XRRA1: variants seen among roughly 807,000 people sequenced by gnomAD.
XRRA1 encodes the protein X-ray radiation resistance-associated protein 1.
Under a neutral mutation model 80.2 loss-of-function variants are expected in XRRA1, and 69 were observed. The observed-to-expected ratio is 0.86, with a 90% CI of 0.71 to 1.05. The LOEUF (loss-of-function observed/expected upper bound fraction) is 1.05. XRRA1 is among the 50% of genes least tolerant of loss of function. The pLI is 0.00. For synonymous variants in XRRA1, 348 were observed against 389.9 expected, an observed-to-expected ratio of 0.89 and a Z score of 1.27; for missense variants, 967 against 976.4, an observed-to-expected ratio of 0.99 and a Z score of 0.13.
At chr11:74,872,568 C>A (rs1007246576) in intron 10 of XRRA1, among the ~76,000 whole-genome samples, 18 of 152,080 alleles carry the variant, frequency 1.2e-4, no homozygotes, top group Admixed American at 1.2e-3. Flanking sequence ...AGTCAGGGCA[C>A]TTTAAGAAGG....
chr11:74,852,265 C>T (rs1268558640), intron 12 of XRRA1, among the ~76,000 whole-genome samples, 183 bp from the exon 13 acceptor site: 1 of 152,168 alleles, frequency 6.6e-6, no homozygotes, highest in African/African-American at 2.4e-5. Flanking sequence ...AATACCTACT[C>T]ATGCACAGAG....
intron 10 of XRRA1, among the ~76,000 whole-genome samples, chr11:74,890,492 C>A (rs1481228582): frequency 1.3e-5 from 2 of 152,100 alleles, no homozygotes; most frequent in Non-Finnish European, 2.9e-5. Flanking sequence ...ATTAAAAGAA[C>A]TAGAGAAGCA....
At chr11:74,878,066 T>C (rs1204302758) in intron 10 of XRRA1, among the ~76,000 whole-genome samples, 1 of 151,094 alleles carries the variant, frequency 6.6e-6, no homozygotes, top group Admixed American at 6.6e-5. Flanking sequence ...TGAACTAGTT[T>C]ACAGTCCCAC....
At chr11:74,878,020 T>A (rs1317249286) in intron 10 of XRRA1, among the ~76,000 whole-genome samples, 1 of 144,568 alleles carries the variant, frequency 6.9e-6, no homozygotes, top group Non-Finnish European at 1.5e-5. Context: ...CAGTTCTAGA[T>A]CCCTGAGGAA....
At chr11:74,928,672 A>G (rs535863998) in intron 6 of XRRA1, among the ~76,000 whole-genome samples, 58 of 152,328 alleles carry the variant, frequency 3.8e-4, no homozygotes, top group African/African-American at 1.4e-3. Context: ...GATGTTAAAT[A>G]TGGTAGTCTT....
intron 10 of XRRA1, among the ~76,000 whole-genome samples, chr11:74,866,204 A>G (rs1027910445): frequency 7.9e-5 from 12 of 152,200 alleles, no homozygotes; most frequent in Non-Finnish European, 1.5e-4. Flanking sequence ...GATCTCTCAG[A>G]CAAAGAATTC....
intron 14 of XRRA1, among the ~76,000 whole-genome samples, chr11:74,850,663 C>G (rs1474793901): frequency 6.6e-6 from 1 of 152,198 alleles, no homozygotes; most frequent in Admixed American, 6.5e-5. Flanking sequence ...CCTTAAGATT[C>G]AGGCAGGAGA....
At chr11:74,924,176 A>T (rs1941628463) in intron 7 of XRRA1, among the ~76,000 whole-genome samples, 1 of 151,664 alleles carries the variant, frequency 6.6e-6, no homozygotes, top group South Asian at 2.1e-4. Context: ...AAAAAAATAA[A>T]AAAAAAGAGT....
intron 16 of XRRA1, among the ~76,000 whole-genome samples, chr11:74,844,694 C>T (rs770071767): frequency 2.0e-4 from 30 of 152,170 alleles, no homozygotes; most frequent in African/African-American, 7.0e-4. Flanking sequence ...CAGATAGGAA[C>T]GATTTTGGAC....
chr11:74,927,771 C>T (rs1942623135), intron 6 of XRRA1, among the ~76,000 whole-genome samples: 2 of 152,144 alleles, frequency 1.3e-5, no homozygotes, highest in Admixed American at 1.3e-4. Context: ...CAGCAAAGCC[C>T]ATTTTAAAAA....
At chr11:74,924,173 TAAAA>T (rs933611753) in intron 7 of XRRA1, among the ~76,000 whole-genome samples, 3 of 143,352 alleles carry the variant, frequency 2.1e-5, no homozygotes, top group South Asian at 2.5e-4. Flanking sequence ...TTGAAAAAAA[TAAAA>T]AAAAAGAGTA....
intron 12 of XRRA1, among the ~76,000 whole-genome samples, chr11:74,857,569 A>C (rs1272612647): frequency 5.3e-5 from 8 of 152,234 alleles, no homozygotes; most frequent in African/African-American, 1.9e-4. Flanking sequence ...TAGAACAACT[A>C]TACAACAGTA....
chr11:74,850,123 A>C (rs2039391053), intron 14 of XRRA1, among the ~76,000 whole-genome samples: 1 of 152,174 alleles, frequency 6.6e-6, no homozygotes, highest in Non-Finnish European at 1.5e-5. Flanking sequence ...AGAACCTTTG[A>C]TGGGAGGAGG....
chr11:74,848,225 C>T lies in XRRA1; in HGVS notation c.1618G>A (p.Val540Met). 6.2e-7 allele frequency: 1 copy of T among 1,613,872 alleles called. No homozygotes were observed. Among genetic ancestry groups the T allele is most frequent in the East Asian group, 2.2e-5 (1 of 44,870 alleles). Residue 540 changes from valine (V) to methionine (M), a missense_variant, in exon 15 of 19, where the codon GTG becomes ATG. Physicochemically the swap from Val to Met is conservative, Grantham distance 21 (BLOSUM62 1). Coordinates refer to ENST00000684022, the MANE Select transcript of XRRA1 (RefSeq NM_001378157.1). Reference protein sequence around the residue: ...PLPPICSNSTVHSEETLSHLS... With the variant: ...PLPPICSNSTMHSEETLSHLS... ...TGGGACAGGGTCTCTTCACTATGCACAGTGGAGTTGGAGCAGATGGGAGGC... is the reference window on the plus strand; with the variant it reads ...TGGGACAGGGTCTCTTCACTATGCATAGTGGAGTTGGAGCAGATGGGAGGC...
At chr11:74,943,524 G>A (rs964331411) in intron 2 of XRRA1, among the ~76,000 whole-genome samples, 18 of 137,854 alleles carry the variant, frequency 1.3e-4, no homozygotes, top group African/African-American at 4.8e-4. Context: ...AGAGTAGGAG[G>A]GTGTGTGTGT....
intron 10 of XRRA1, among the ~76,000 whole-genome samples, chr11:74,874,677 CTGATATTAGAAGGG>C (rs1356995093): frequency 5.9e-5 from 9 of 152,224 alleles, no homozygotes; most frequent in African/African-American, 2.2e-4. Flanking sequence ...ATATCAGGCT[CTGATATTAGAAGGG>C]TCTACAATCC....
rs1445082291 is a variant in XRRA1, at chr11:74,906,234, C to A, written c.1003+5G>T. On this transcript the variant is annotated splice_donor_5th_base_variant and intron_variant, in intron 10 of 18. Transcript: ENST00000684022. Reference sequence around the variant, plus strand: ...AGAATTTCTGGGACAAGGGGTGTCACTCACCTGTCCGGTCAACATCCTTTT... The same window carrying A: ...AGAATTTCTGGGACAAGGGGTGTCAATCACCTGTCCGGTCAACATCCTTTT... The A allele has an allele frequency of 1.2e-6, 2 of 1,612,072 alleles. No homozygotes were observed. The highest frequency in any genetic ancestry group is 2.7e-5 in the African/African-American group (2 of 74,904).
At chr11:74,887,578 G>A (rs1327612366) in intron 10 of XRRA1, among the ~76,000 whole-genome samples, 3 of 152,182 alleles carry the variant, frequency 2.0e-5, no homozygotes, top group African/African-American at 7.2e-5. Context: ...AGTGGGTGCA[G>A]GACAGTGGGT....
intron 8 of XRRA1, among the ~76,000 whole-genome samples, chr11:74,915,402 T>G (rs1022889857): frequency 1.3e-5 from 2 of 152,154 alleles, no homozygotes; most frequent in Non-Finnish European, 2.9e-5. Context: ...GAAGATAAGG[T>G]AACCCAATCC....
Sources: allele counts gnomAD v4.1 joint callset (sites outside exome capture counted in the v4.1 genomes callset), GRCh38; gene constraint gnomAD v4.1.1; transcripts MANE v1.5; gene names NCBI Gene and HGNC (gene_info 2026-07-23, HGNC 2026-07-21).